Variants in SCTR observed in about 807,000 individuals in gnomAD.
SCTR encodes secretin receptor, also known as pancreatic secretin receptor.
In SCTR, 56 loss-of-function variants were observed where a neutral mutation model predicts 60.8. That is an observed-to-expected ratio of 0.92 (90% CI 0.74 to 1.15). SCTR has a LOEUF of 1.15. Among genes scored for constraint, SCTR ranks in the 50% most tolerant of loss-of-function variants. The pLI, the probability that SCTR is intolerant of heterozygous loss-of-function variation, is 0.00. For missense variants in SCTR, 562 were observed against 550.4 expected (o/e 1.02, Z -0.21); for synonymous variants, 202 against 217.0 (o/e 0.93, Z 0.61).
chr2:119,468,964 G>T (rs1683950003), intron 4 of SCTR, among the ~76,000 whole-genome samples: 1 of 152,110 alleles, frequency 6.6e-6, no homozygotes, highest in Non-Finnish European at 1.5e-5. Flanking sequence ...AAAGGAGGTA[G>T]ATTTTGACTC....
intron 2 of SCTR, among the ~76,000 whole-genome samples, chr2:119,491,342 C>T (rs1447763206): frequency 6.6e-6 from 1 of 152,308 alleles, no homozygotes; most frequent in East Asian, 1.9e-4. Flanking sequence ...TCCCTCATGT[C>T]TGTGCCCAGC....
chr2:119,481,823 G>A (rs1017757387), intron 2 of SCTR, among the ~76,000 whole-genome samples: 7 of 151,950 alleles, frequency 4.6e-5, no homozygotes, highest in South Asian at 2.1e-4. Context: ...TCCCACACCA[G>A]TCCCGCCAGG....
intron 1 of SCTR, among the ~76,000 whole-genome samples, chr2:119,506,513 G>T (rs1450695951): frequency 6.7e-6 from 1 of 150,362 alleles, no homozygotes; most frequent in Non-Finnish European, 1.5e-5. Flanking sequence ...ACAGGGTCTC[G>T]CTCAGTCACC....
Position 119,478,888 on chromosome 2 carries a change from C to T in SCTR, c.224G>A (p.Cys75Tyr). ...CCGGCCCGGCACAGAAGAGGGCCAG[C>T]AGCTTATGTTGTCCCACATCCCCTC... is the stretch of plus-strand genomic sequence containing the variant. ...GCEGMWDNISCWPSSVPGRMV... is the reference protein window; with the variant it reads ...GCEGMWDNISYWPSSVPGRMV... The change falls in exon 3 of 13, where the codon TGC becomes TAC. Residue 75 changes from cysteine to tyrosine, a missense_variant. Cys to Tyr is a radical substitution (Grantham distance 194). Transcript: ENST00000019103. 2 of 1,614,208 alleles carry T rather than the reference C, an allele frequency of 1.2e-6. No homozygotes were observed. Among genetic ancestry groups the T allele is most frequent in the South Asian group, 1.1e-5 (1 of 91,080 alleles).
intron 6 of SCTR, among the ~76,000 whole-genome samples, 170 bp downstream of exon 6, chr2:119,463,953 T>C (rs1683717099): frequency 6.6e-6 from 1 of 151,980 alleles, no homozygotes; most frequent in South Asian, 2.1e-4. Flanking sequence ...GGCTGTGGAA[T>C]CTCCCTGAAC....
intron 1 of SCTR, among the ~76,000 whole-genome samples, chr2:119,503,475 G>A (rs1034614147): frequency 2.0e-5 from 3 of 152,170 alleles, no homozygotes; most frequent in Non-Finnish European, 4.4e-5. Flanking sequence ...GGTGGTGGCT[G>A]CAGTGAGCCA....
intron 11 of SCTR, among the ~76,000 whole-genome samples, chr2:119,442,670 A>G (rs1178937865): frequency 3.3e-5 from 5 of 152,164 alleles, no homozygotes; most frequent in African/African-American, 1.2e-4. Flanking sequence ...ACTGGGGACT[A>G]TTTGAGGGGC....
intron 6 of SCTR, among the ~76,000 whole-genome samples, chr2:119,463,229 T>C (rs1683688769): frequency 6.6e-6 from 1 of 152,212 alleles, no homozygotes; most frequent in African/African-American, 2.4e-5. Flanking sequence ...CCCTGCTTCC[T>C]TTGCGATTAA....
chr2:119,449,947 AGGAAGGAAGGAAGGAGGGAGGGAGGGAG>A (rs1683081993), intron 9 of SCTR, among the ~76,000 whole-genome samples: 1 of 102,218 alleles, frequency 9.8e-6, no homozygotes, highest in South Asian at 3.5e-4. Context: ...AAAAAAAAGA[AGGAAGGAAGGAAGGAGGGAGGGAGGGAG>A]GGAAGGAAGG....
chr2:119,473,624 A>G (rs933763030), intron 3 of SCTR, 68 bp from the exon 4 acceptor site: 3 of 976,170 alleles, frequency 3.1e-6, no homozygotes, highest in Non-Finnish European at 5.0e-6. Flanking sequence ...AGTAACATCT[A>G]TTGTAACATG....
intron 2 of SCTR, among the ~76,000 whole-genome samples, chr2:119,489,084 G>A (rs761177271): frequency 7.9e-5 from 12 of 152,150 alleles, no homozygotes; most frequent in East Asian, 1.9e-4. Context: ...CCCATCTGGC[G>A]TGGTCACTAG....
intron 2 of SCTR, among the ~76,000 whole-genome samples, chr2:119,485,471 A>G (rs910314482): frequency 6.6e-6 from 1 of 152,210 alleles, no homozygotes; most frequent in Non-Finnish European, 1.5e-5. Flanking sequence ...TTTGCCCTGC[A>G]TTCACCTGGC....
chr2:119,522,034 C>T (rs1348447917), intron 1 of SCTR, among the ~76,000 whole-genome samples: 1 of 152,190 alleles, frequency 6.6e-6, no homozygotes, highest in South Asian at 2.1e-4. Context: ...GTGGTTCATG[C>T]CTCTAATCGC....
chr2:119,448,656 C>T (rs751406010), intron 10 of SCTR, 33 bp downstream of exon 10: 2 of 1,200,700 alleles, frequency 1.7e-6, no homozygotes, highest in South Asian at 2.4e-5. Context: ...TGCTTGCTGA[C>T]TGACCATGCC....
rs755403367 is a variant in SCTR at position 119,473,509 on chromosome 2, G to A, written c.349C>T (p.Pro117Ser). ...CTQDGWSETF[P>S]RPNLACGVNV... is the part of the protein sequence containing the mutation. Reference sequence around the variant, plus strand: ...ACGCCACAGGCCAGATTAGGCCTGGGGAAGGTTTCTGACCAGCCATCCTGT... The same window carrying A: ...ACGCCACAGGCCAGATTAGGCCTGGAGAAGGTTTCTGACCAGCCATCCTGT... Residue 117 changes from proline (P) to serine (S), a missense_variant, in exon 4 of 13, where the codon CCC becomes TCC. Transcript: ENST00000019103. The A allele has an allele frequency of 1.2e-6, 2 of 1,614,128 alleles. No individual in the cohort carries two copies. The highest frequency in any genetic ancestry group is 1.1e-5 in the South Asian group (1 of 91,082).
intron 4 of SCTR, among the ~76,000 whole-genome samples, chr2:119,469,040 G>C (rs1676863626): frequency 6.6e-6 from 1 of 152,084 alleles, no homozygotes; most frequent in African/African-American, 2.4e-5. Context: ...ATGTGACATT[G>C]AGTTCCCCAC....
chr2:119,458,582 C>CA (rs1366027435), intron 7 of SCTR, among the ~76,000 whole-genome samples: 1 of 147,424 alleles, frequency 6.8e-6, no homozygotes, highest in African/African-American at 2.6e-5. Flanking sequence ...GCCTGGGCAA[C>CA]AGGGCAAGAC....
intron 3 of SCTR, 48 bp downstream of exon 3, chr2:119,478,763 G>C: frequency 2.5e-6 from 4 of 1,587,708 alleles, no homozygotes; most frequent in Non-Finnish European, 3.5e-6. Flanking sequence ...CCCACCCAGA[G>C]GGACACCCCT....
chr2:119,476,285 A>T (rs1237087588), intron 3 of SCTR, among the ~76,000 whole-genome samples: 1 of 152,162 alleles, frequency 6.6e-6, no homozygotes, highest in Non-Finnish European at 1.5e-5. Context: ...GAGGCCAGAC[A>T]GCTGTTGACC....
Sources: gnomAD v4.1 joint callset for allele counts (sites outside exome capture counted in the v4.1 genomes callset) on GRCh38, gnomAD v4.1.1 for gene constraint, MANE v1.5 for transcripts, NCBI Gene and HGNC (gene_info 2026-07-23, HGNC 2026-07-21) for gene names.